BRINP3: variants seen among roughly 807,000 people sequenced by gnomAD.
The protein encoded by BRINP3 is BMP/retinoic acid inducible neural specific 3.
Under a neutral mutation model 71.0 loss-of-function variants are expected in BRINP3, and 19 were observed. That is an observed-to-expected ratio of 0.27 (90% CI 0.19 to 0.39). BRINP3 has a LOEUF of 0.39. BRINP3 is among the 10% of genes least tolerant of loss of function. BRINP3 has a pLI of 1.00. For missense variants in BRINP3, 959 were observed against 940.8 expected, an observed-to-expected ratio of 1.02 and a Z score of -0.25; for synonymous variants, 380 against 337.7, an observed-to-expected ratio of 1.13 and a Z score of -1.37.
intron 2 of BRINP3, among the ~76,000 whole-genome samples, chr1:190,431,761 C>T (rs896407217): frequency 6.6e-5 from 10 of 152,082 alleles, no homozygotes; most frequent in African/African-American, 1.9e-4. Context: ...GCTCAGAAAC[C>T]GTAGAAGTAA....
chr1:190,186,038 C>A (rs968136051), intron 6 of BRINP3, among the ~76,000 whole-genome samples: 8 of 151,882 alleles, frequency 5.3e-5, no homozygotes, highest in Non-Finnish European at 1.0e-4. Context: ...TAAATATATA[C>A]AATTATTGTT....
intron 2 of BRINP3, among the ~76,000 whole-genome samples, chr1:190,452,115 T>C (rs941096322): frequency 2.0e-5 from 3 of 152,226 alleles, no homozygotes; most frequent in African/African-American, 7.2e-5. Flanking sequence ...ATCTATGTGT[T>C]TTAAGTACTC....
In BRINP3 at chr1:190,243,299, T is replaced by A. The variant is rs145889926; in HGVS notation, c.619-8822A>T. Among the ~76,000 whole-genome samples, 9 of 152,200 alleles carry A rather than the reference T, an allele frequency of 5.9e-5. No homozygotes were observed. In the East Asian group the frequency reaches 1.7e-3, roughly 30 times the overall value. Reference sequence around the variant, plus strand: ...TGTGGCACTTGATTGGTCTTGGAGATGCCAAGTCTGTAAACTCACTCCCAC... The same window carrying A: ...TGTGGCACTTGATTGGTCTTGGAGAAGCCAAGTCTGTAAACTCACTCCCAC... On this transcript the variant is annotated intron_variant, in intron 4 of 7. Transcript: ENST00000367462.
chr1:190,135,097 C>T (rs1418808), intron 7 of BRINP3, among the ~76,000 whole-genome samples: 88,383 of 151,838 alleles, frequency 0.58, 26,577 homozygotes, highest in African/African-American at 0.75. Flanking sequence ...AGATAATCTT[C>T]CCAAGAAACC....
intron 3 of BRINP3, 138 bp from the exon 4 acceptor site, chr1:190,265,193 T>G: frequency 2.7e-6 from 2 of 728,354 alleles, no homozygotes; most frequent in South Asian, 4.4e-5. Context: ...AGGGGTTTTA[T>G]TTTTGGTCAC....
intron 2 of BRINP3, among the ~76,000 whole-genome samples, chr1:190,349,197 T>C (rs542246080): frequency 2.6e-5 from 4 of 152,198 alleles, no homozygotes; most frequent in Non-Finnish European, 5.9e-5. Flanking sequence ...GAGCTTAGTT[T>C]GGGGCTGATT....
chr1:190,453,094 A>G (rs866869629), intron 2 of BRINP3, among the ~76,000 whole-genome samples: 1 of 151,906 alleles, frequency 6.6e-6, no homozygotes, highest in Non-Finnish European at 1.5e-5. Context: ...GCTTCACTCA[A>G]TCTGTGAGGA....
chr1:190,241,016 T>A (rs1438775049), intron 4 of BRINP3, among the ~76,000 whole-genome samples: 1 of 151,972 alleles, frequency 6.6e-6, no homozygotes, highest in Non-Finnish European at 1.5e-5. Flanking sequence ...AATAATTTAT[T>A]TCTATTATCT....
chr1:190,302,466 C>T (rs1413935911), intron 2 of BRINP3, among the ~76,000 whole-genome samples: 5 of 151,158 alleles, frequency 3.3e-5, no homozygotes, highest in Non-Finnish European at 4.4e-5. Flanking sequence ...AATAAAAATC[C>T]AAACTAGCAG....
chr1:190,372,850 T>C (rs1390374931), intron 2 of BRINP3, among the ~76,000 whole-genome samples: 1 of 152,124 alleles, frequency 6.6e-6, no homozygotes, highest in Non-Finnish European at 1.5e-5. Context: ...AAGTAACAAA[T>C]GTTAAACAAA....
intron 2 of BRINP3, among the ~76,000 whole-genome samples, chr1:190,349,085 A>C (rs371424618): frequency 6.6e-6 from 1 of 152,096 alleles, no homozygotes. Context: ...CGGCCAGTGC[A>C]TGGGATCATA....
chr1:190,147,328 C>T (rs1413031492), intron 7 of BRINP3, among the ~76,000 whole-genome samples: 1 of 152,004 alleles, frequency 6.6e-6, no homozygotes, highest in Non-Finnish European at 1.5e-5. Flanking sequence ...ACGATCTTTT[C>T]TTTGGCATAA....
chr1:190,363,724 TAG>T (rs1344572712), intron 2 of BRINP3, among the ~76,000 whole-genome samples: 1 of 152,138 alleles, frequency 6.6e-6, no homozygotes, highest in East Asian at 1.9e-4. Flanking sequence ...GAGTCTGGGC[TAG>T]AGTAATCGTA....
intron 3 of BRINP3, among the ~76,000 whole-genome samples, chr1:190,277,087 T>TTATATATATATATATATATATA (rs1222129309): frequency 0.062 from 2,214 of 35,584 alleles, 356 homozygotes; most frequent in Non-Finnish European, 0.11. Context: ...AATTTTGGTT[T>TTATATATATATATATATATATA]TATATATATA....
chr1:190,146,693 G>A (rs1655918057), intron 7 of BRINP3, among the ~76,000 whole-genome samples: 1 of 152,042 alleles, frequency 6.6e-6, no homozygotes, highest in Admixed American at 6.6e-5. Context: ...TGTAGCCAGA[G>A]CACTTCTGGA....
chr1:190,203,758 T>C (rs1399987792), intron 6 of BRINP3, among the ~76,000 whole-genome samples: 1 of 818 alleles, frequency 1.2e-3, no homozygotes, highest in Admixed American at 0.013. Context: ...AAAATATATA[T>C]ATATATATAT....
intron 1 of BRINP3, among the ~76,000 whole-genome samples, chr1:190,462,896 G>A (rs1676488969): frequency 6.6e-6 from 1 of 152,018 alleles, no homozygotes; most frequent in African/African-American, 2.4e-5. Context: ...TTAAAAGCAA[G>A]CAAGTGTTCT....
At chr1:190,236,664 A>G (rs966809020) in intron 4 of BRINP3, among the ~76,000 whole-genome samples, 1 of 151,940 alleles carries the variant, frequency 6.6e-6, no homozygotes, top group Admixed American at 6.6e-5. Flanking sequence ...CACTACTGAT[A>G]CTGAATAGAC....
At chr1:190,287,532 A>G (rs1327287834) in intron 2 of BRINP3, among the ~76,000 whole-genome samples, 4 of 152,162 alleles carry the variant, frequency 2.6e-5, no homozygotes, top group Admixed American at 6.6e-5. Flanking sequence ...ATCTATTCCA[A>G]TAAAATACTG....
Sources: allele counts gnomAD v4.1 joint callset (sites outside exome capture counted in the v4.1 genomes callset), GRCh38; gene constraint gnomAD v4.1.1; transcripts MANE v1.5; gene names NCBI Gene and HGNC (gene_info 2026-07-23, HGNC 2026-07-21).